The following DPYD variants were observed in gnomAD, a reference collection of about 807,000 sequenced individuals.
The protein encoded by DPYD is dihydropyrimidine dehydrogenase [NADP(+)].
Under a neutral mutation model 116.2 loss-of-function variants are expected in DPYD, and 109 were observed. That is an observed-to-expected ratio of 0.94 (90% CI 0.80 to 1.10). The LOEUF (loss-of-function observed/expected upper bound fraction) is 1.10, where lower values mean the gene tolerates loss of function less well. Ranked by LOEUF, DPYD falls within the 50% of genes least tolerant of loss-of-function variation. DPYD has a pLI of 0.00. For missense variants in DPYD, 1,302 were observed against 1,254.5 expected, an observed-to-expected ratio of 1.04 and a Z score of -0.57; for synonymous variants, 440 against 432.0, an observed-to-expected ratio of 1.02 and a Z score of -0.23.
At chr1:97,684,626 G>A (rs1660618600) in intron 7 of DPYD, among the ~76,000 whole-genome samples, 2 of 150,826 alleles carry the variant, frequency 1.3e-5, no homozygotes, top group Admixed American at 1.3e-4. Context: ...AAAAAGAGAA[G>A]AATCAAATAG....
At chr1:97,372,612 A>G (rs553290278) in intron 16 of DPYD, among the ~76,000 whole-genome samples, 3 of 152,322 alleles carry the variant, frequency 2.0e-5, no homozygotes, top group South Asian at 4.1e-4. Context: ...AAATATTTAC[A>G]AAGTACTTTA....
intron 20 of DPYD, among the ~76,000 whole-genome samples, chr1:97,130,509 C>T (rs138742257): frequency 3.3e-5 from 5 of 152,212 alleles, no homozygotes; most frequent in African/African-American, 1.2e-4. Context: ...TATTTTTAAA[C>T]TCCCTTTATT....
intron 3 of DPYD, among the ~76,000 whole-genome samples, chr1:97,784,634 T>A (rs1046926360): frequency 1.3e-5 from 2 of 152,194 alleles, no homozygotes; most frequent in African/African-American, 4.8e-5. Context: ...GGAAGCACTC[T>A]CTCTCATAAA....
chr1:97,528,073 C>T (rs1216668153), intron 12 of DPYD, among the ~76,000 whole-genome samples: 2 of 152,120 alleles, frequency 1.3e-5, no homozygotes, highest in African/African-American at 4.8e-5. Flanking sequence ...TAGATTAATT[C>T]ACAGACTGGA....
intron 22 of DPYD, among the ~76,000 whole-genome samples, chr1:97,081,639 G>A (rs769221446): frequency 7.9e-5 from 12 of 151,144 alleles, no homozygotes; most frequent in Non-Finnish European, 1.6e-4. Context: ...CACAGAATGT[G>A]TTTTCAAGAG....
chr1:97,303,030 A>C (rs943020221), intron 18 of DPYD, among the ~76,000 whole-genome samples: 1 of 151,946 alleles, frequency 6.6e-6, no homozygotes, highest in African/African-American at 2.4e-5. Flanking sequence ...CATTCCTGAA[A>C]TGTGCCCAGT....
chr1:97,804,404 T>C (rs900299854), intron 3 of DPYD, among the ~76,000 whole-genome samples: 2 of 151,812 alleles, frequency 1.3e-5, no homozygotes, highest in South Asian at 2.1e-4. Context: ...TTACTTCCCA[T>C]AATATAAAGT....
chr1:97,623,492 T>C (rs1656745215), intron 8 of DPYD, among the ~76,000 whole-genome samples: 1 of 152,020 alleles, frequency 6.6e-6, no homozygotes, highest in Non-Finnish European at 1.5e-5. Flanking sequence ...GGCATAGTGA[T>C]AGAAACATTT....
intron 10 of DPYD, among the ~76,000 whole-genome samples, chr1:97,576,428 C>G (rs1169585517): frequency 1.3e-5 from 2 of 152,162 alleles, no homozygotes; most frequent in Non-Finnish European, 2.9e-5. Flanking sequence ...TGATCCCACT[C>G]TATCTTTGCT....
At chr1:97,640,015 A>G (rs1200030707) in intron 8 of DPYD, among the ~76,000 whole-genome samples, 1 of 152,268 alleles carries the variant, frequency 6.6e-6, no homozygotes, top group East Asian at 1.9e-4. Flanking sequence ...ACAAATATGA[A>G]GTTAATTTTC....
chr1:97,426,811 G>A (rs959341684), intron 14 of DPYD, among the ~76,000 whole-genome samples: 1 of 152,130 alleles, frequency 6.6e-6, no homozygotes, highest in African/African-American at 2.4e-5. Context: ...AAAGAGCAGA[G>A]TCAAAAGGGA....
At chr1:97,609,018 A>G (rs1481592888) in intron 8 of DPYD, among the ~76,000 whole-genome samples, 4 of 151,974 alleles carry the variant, frequency 2.6e-5, no homozygotes, top group African/African-American at 7.2e-5. Flanking sequence ...TGACAGAATC[A>G]ATAAAAATCT....
intron 1 of DPYD, among the ~76,000 whole-genome samples, chr1:97,889,371 G>C (rs887394916): frequency 2.6e-5 from 4 of 152,000 alleles, no homozygotes; most frequent in Admixed American, 2.6e-4. Flanking sequence ...CTGTCTTTAG[G>C]AGACACACTT....
intron 3 of DPYD, among the ~76,000 whole-genome samples, chr1:97,822,781 C>T (rs1669022006): frequency 6.6e-6 from 1 of 151,944 alleles, no homozygotes. Context: ...TCCCACCAAA[C>T]TGCATTAGCA....
At chr1:97,395,700 G>A (rs149311253) in intron 14 of DPYD, among the ~76,000 whole-genome samples, 1 of 151,954 alleles carries the variant, frequency 6.6e-6, no homozygotes. Context: ...CCAACCTTTG[G>A]GTGTGCGCTG....
chr1:97,673,587 T>C (rs1258936917), intron 8 of DPYD, among the ~76,000 whole-genome samples: 2 of 152,210 alleles, frequency 1.3e-5, no homozygotes, highest in African/African-American at 4.8e-5. Flanking sequence ...AGACAGAATC[T>C]ACAGTCTTTA....
intron 2 of DPYD, among the ~76,000 whole-genome samples, chr1:97,828,662 C>T (rs1458786551): frequency 6.7e-6 from 1 of 149,350 alleles, no homozygotes; most frequent in Non-Finnish European, 1.5e-5. Flanking sequence ...AGGGATAGAG[C>T]ACAGATATAA....
intron 16 of DPYD, among the ~76,000 whole-genome samples, chr1:97,314,146 C>T (rs1558020975): frequency 6.6e-6 from 1 of 151,900 alleles, no homozygotes; most frequent in African/African-American, 2.4e-5. Context: ...CTACTGTGGC[C>T]TAGAAGTCCA....
intron 14 of DPYD, among the ~76,000 whole-genome samples, chr1:97,416,726 A>C (rs916344034): frequency 1.3e-5 from 2 of 152,128 alleles, no homozygotes; most frequent in African/African-American, 4.8e-5. Context: ...AACACAACAC[A>C]ATTTTAAACA....
Sources: allele counts gnomAD v4.1 joint callset (sites outside exome capture counted in the v4.1 genomes callset), GRCh38; gene constraint gnomAD v4.1.1; transcripts MANE v1.5; gene names NCBI Gene and HGNC (gene_info 2026-07-23, HGNC 2026-07-21).